Variants in UBAC2 observed in about 807,000 individuals in gnomAD.
UBAC2 encodes the protein UBA domain containing 2.
In UBAC2, 26 loss-of-function variants were observed where a neutral mutation model predicts 44.0. The observed-to-expected ratio is 0.59, with a 90% CI of 0.43 to 0.82. The LOEUF (loss-of-function observed/expected upper bound fraction) is 0.82. UBAC2 is among the 40% of genes least tolerant of loss of function. The pLI is 0.00. For missense variants in UBAC2, 329 were observed against 419.4 expected (o/e 0.78, Z 1.88); for synonymous variants, 155 against 154.3 (o/e 1.00, Z -0.04).
intron 4 of UBAC2, among the ~76,000 whole-genome samples, chr13:99,257,016 A>C (rs1238835206): frequency 1.3e-5 from 2 of 152,184 alleles, no homozygotes. Context: ...CGGGCTATTG[A>C]TAATTAAGAA....
chr13:99,279,404 T>C (rs891906931), intron 4 of UBAC2, among the ~76,000 whole-genome samples: 1 of 152,240 alleles, frequency 6.6e-6, no homozygotes, highest in African/African-American at 2.4e-5. Flanking sequence ...GCAGAAGCTG[T>C]CTTTGACTAC....
intron 4 of UBAC2, among the ~76,000 whole-genome samples, chr13:99,276,987 A>T (rs1313649344): frequency 1.3e-5 from 2 of 152,112 alleles, no homozygotes; most frequent in African/African-American, 4.8e-5. Context: ...TGGGAAGTCA[A>T]ATGTTAATCA....
At chr13:99,325,247 C>T (rs1370974333) in intron 6 of UBAC2, among the ~76,000 whole-genome samples, 2 of 151,924 alleles carry the variant, frequency 1.3e-5, no homozygotes, top group Admixed American at 6.6e-5. Flanking sequence ...GGACTACAGG[C>T]GCCTGTCACC....
At chr13:99,366,286 G>T (rs2045329406) in intron 7 of UBAC2, among the ~76,000 whole-genome samples, 1 of 152,134 alleles carries the variant, frequency 6.6e-6, no homozygotes. Flanking sequence ...AGTCTCTTGT[G>T]TGTTTTGTGT....
At chr13:99,200,969 C>T (rs891755318) in intron 1 of UBAC2, 30 bp downstream of exon 1, 1 of 1,300,416 alleles carries the variant, frequency 7.7e-7, no homozygotes, top group Admixed American at 3.3e-5. Flanking sequence ...ATCCTGGCTG[C>T]CCCCTACACG....
In UBAC2 at chr13:99,255,786, A is replaced by G. The variant is rs371441036; in HGVS notation, c.389+11162A>G. ...ATAATCCAATTATGAAGATACAGCT[A>G]TAGAAGACAAGGGCTGCAATTTTGT... On this transcript the variant is annotated intron_variant, in intron 4 of 8. Transcript: ENST00000403766. The G allele has an allele frequency of 2.4e-3, 3,854 of 1,613,166 alleles. 99 individuals are homozygous for G. The South Asian group carries it at 0.04, about 17-fold the overall frequency.
chr13:99,371,281 T>C (rs1036693468), intron 8 of UBAC2, among the ~76,000 whole-genome samples: 1 of 152,222 alleles, frequency 6.6e-6, no homozygotes, highest in African/African-American at 2.4e-5. Flanking sequence ...TTACGAGAAG[T>C]TGTAAAAACA....
intron 4 of UBAC2, among the ~76,000 whole-genome samples, chr13:99,246,090 A>C (rs191702295): frequency 6.6e-6 from 1 of 152,350 alleles, no homozygotes; most frequent in African/African-American, 2.4e-5. Context: ...TCTTGATTCA[A>C]ATTCACTTTG....
intron 1 of UBAC2, among the ~76,000 whole-genome samples, chr13:99,214,525 G>C (rs1225672344): frequency 6.6e-6 from 1 of 152,162 alleles, no homozygotes; most frequent in African/African-American, 2.4e-5. Context: ...AAGCAGGACT[G>C]TGAGAACCCC....
intron 6 of UBAC2, among the ~76,000 whole-genome samples, chr13:99,326,144 C>T (rs2044638309): frequency 6.6e-6 from 1 of 152,186 alleles, no homozygotes; most frequent in South Asian, 2.1e-4. Context: ...ATTTGCATTT[C>T]TGCCAACTGT....
chr13:99,275,072 A>G (rs1332837798), intron 4 of UBAC2, among the ~76,000 whole-genome samples: 2 of 152,182 alleles, frequency 1.3e-5, no homozygotes, highest in African/African-American at 2.4e-5. Context: ...TCTGCTGGGT[A>G]TGTACCTAGG....
chr13:99,384,703 G>A (rs1411017455), intron 8 of UBAC2, among the ~76,000 whole-genome samples: 1 of 152,260 alleles, frequency 6.6e-6, no homozygotes, highest in Non-Finnish European at 1.5e-5. Flanking sequence ...TGCCAGGGCC[G>A]AGCATGGCAG....
At chr13:99,303,224 G>A (rs181835403) in intron 4 of UBAC2, among the ~76,000 whole-genome samples, 1 of 152,172 alleles carries the variant, frequency 6.6e-6, no homozygotes, top group Admixed American at 6.5e-5. Context: ...ACATCTTCAA[G>A]ACTGAAAAAG....
intron 8 of UBAC2, among the ~76,000 whole-genome samples, chr13:99,368,728 C>CGTGTGTGTGTGT (rs1566525823): frequency 4.0e-4 from 36 of 91,030 alleles, no homozygotes; most frequent in African/African-American, 1.0e-3. Flanking sequence ...TGTGTGTGTA[C>CGTGTGTGTGTGT]ACATACCCTC....
At chr13:99,374,906 A>C (rs566150167) in intron 8 of UBAC2, among the ~76,000 whole-genome samples, 1 of 152,334 alleles carries the variant, frequency 6.6e-6, no homozygotes, top group Non-Finnish European at 1.5e-5. Context: ...GTTGAACACG[A>C]AGGTGTGGCC....
intron 4 of UBAC2, chr13:99,294,874 G>A: frequency 1.9e-6 from 1 of 535,032 alleles, no homozygotes; most frequent in South Asian, 3.3e-5. Context: ...TTTTTATTGT[G>A]CTTTATGTTG....
intron 4 of UBAC2, among the ~76,000 whole-genome samples, chr13:99,280,277 T>C (rs535286081): frequency 6.6e-6 from 1 of 152,350 alleles, no homozygotes; most frequent in African/African-American, 2.4e-5. Context: ...TTTTCTGTCA[T>C]TCCTTCCTTG....
At chr13:99,326,976 G>T (rs1335540827) in intron 6 of UBAC2, among the ~76,000 whole-genome samples, 3 of 152,162 alleles carry the variant, frequency 2.0e-5, no homozygotes, top group Non-Finnish European at 4.4e-5. Context: ...GCAGCCTTCT[G>T]TGTGCTGACC....
intron 4 of UBAC2, among the ~76,000 whole-genome samples, chr13:99,247,510 G>A (rs1235290525): frequency 3.3e-5 from 5 of 152,144 alleles, no homozygotes; most frequent in South Asian, 2.1e-4. Context: ...CACCGCGCCC[G>A]GCCTGTGTTG....
Sources: allele counts gnomAD v4.1 joint callset (sites outside exome capture counted in the v4.1 genomes callset), GRCh38; gene constraint gnomAD v4.1.1; transcripts MANE v1.5; gene names NCBI Gene and HGNC (gene_info 2026-07-23, HGNC 2026-07-21).